RNF220: variants seen among roughly 807,000 people sequenced by gnomAD.
RNF220 encodes ring finger protein 220.
RNF220 carries 7 observed loss-of-function variants against 67.1 expected under a neutral mutation model. The ratio of observed to expected loss-of-function variants is 0.10; its 90% CI spans 0.06 to 0.20. The LOEUF (loss-of-function observed/expected upper bound fraction) is 0.20, where lower values mean the gene tolerates loss of function less well. Among genes scored for constraint, RNF220 ranks in the 10% least tolerant of loss-of-function variants. The probability of loss-of-function intolerance (pLI) is 1.00; values close to 1 mark genes in which losing one functional copy is unlikely to be tolerated. For missense variants in RNF220, 565 were observed against 740.3 expected (o/e 0.76, Z 2.75); for synonymous variants, 270 against 283.2 (o/e 0.95, Z 0.47).
intron 2 of RNF220, among the ~76,000 whole-genome samples, chr1:44,477,632 T>C (rs1371589701): frequency 6.6e-6 from 1 of 152,194 alleles, no homozygotes; most frequent in Non-Finnish European, 1.5e-5. Flanking sequence ...TGATCTAAGC[T>C]CAGCTTGGCC....
In RNF220 at chr1:44,462,135, A is replaced by G. The variant is rs543933277; in HGVS notation, c.625+49413A>G. 9.9e-5 allele frequency among the ~76,000 whole-genome samples: 15 copies of G among 151,834 alleles called. No homozygotes were observed. The South Asian group carries it at 2.7e-3, about 27-fold the overall frequency. ...TTTTTAGTAGAGATGTGGTATCACC[A>G]TGTTGGCCAGGCTCATCTCAAACTC... is the stretch of plus-strand genomic sequence containing the variant. On this transcript the variant is annotated intron_variant, in intron 2 of 14. Transcript: ENST00000361799.
intron 2 of RNF220, among the ~76,000 whole-genome samples, chr1:44,508,550 G>A (rs1175825567): frequency 6.6e-6 from 1 of 152,312 alleles, no homozygotes; most frequent in African/African-American, 2.4e-5. Context: ...TGTAGGTGGC[G>A]TTTGCTCTAA....
intron 2 of RNF220, among the ~76,000 whole-genome samples, chr1:44,523,234 G>A (rs1305971568): frequency 1.3e-5 from 2 of 152,202 alleles, no homozygotes; most frequent in Non-Finnish European, 2.9e-5. Flanking sequence ...GGCTCCCCGA[G>A]CACTCCTGCT....
chr1:44,465,711 C>T lies in RNF220; in HGVS notation c.625+52989C>T, dbSNP rs12565721. 3.2e-3 allele frequency among the ~76,000 whole-genome samples: 485 copies of T among 152,254 alleles called. 25 individuals carry two copies. The East Asian group carries it at 0.087, about 27-fold the overall frequency. On this transcript the variant is annotated intron_variant, in intron 2 of 14. Transcript: ENST00000361799. ...ATCACATCAAAGCGAGTCACATGAA[C>T]TTTTGGTTTTCTGGTGCATATAAAA...
At chr1:44,582,124 G>C (rs1665326984) in intron 2 of RNF220, among the ~76,000 whole-genome samples, 2 of 152,206 alleles carry the variant, frequency 1.3e-5, no homozygotes, top group African/African-American at 4.8e-5. Flanking sequence ...TAGTTGCAGA[G>C]TGGAAGAATG....
intron 6 of RNF220, among the ~76,000 whole-genome samples, chr1:44,634,489 G>T (rs1479054601): frequency 6.6e-6 from 1 of 152,150 alleles, no homozygotes; most frequent in Non-Finnish European, 1.5e-5. Flanking sequence ...TTGCATTCAT[G>T]AGCTTCCCGT....
rs1647236257 is a variant in RNF220 at position 44,405,374 on chromosome 1, CCTA to C, written c.-271_-269del. On this transcript the variant is annotated 5_prime_UTR_variant, in exon 1 of 15. Transcript: ENST00000361799. ...GCGAACACAAACCCGGGGCCAGCCG[CCTA>C]CTGCTGCTGCTGCTGCTGCCGCTGC... 2 of 578,712 alleles carry C rather than the reference CCTA, an allele frequency of 3.5e-6. No individual in the cohort carries two copies. The highest frequency in any genetic ancestry group is 6.3e-6 in the Non-Finnish European group (2 of 319,186). The allele number at this position is 578,712 out of a possible 1,614,324, so 35.8% of individuals were successfully genotyped here.
intron 2 of RNF220, among the ~76,000 whole-genome samples, chr1:44,560,150 G>A (rs1466375270): frequency 6.6e-6 from 1 of 152,230 alleles, no homozygotes; most frequent in Non-Finnish European, 1.5e-5. Flanking sequence ...CAGTGAGTGG[G>A]GAACTGGGTC....
At chr1:44,535,148 T>C (rs1661112774) in intron 2 of RNF220, among the ~76,000 whole-genome samples, 1 of 146,888 alleles carries the variant, frequency 6.8e-6, no homozygotes, top group South Asian at 2.2e-4. Flanking sequence ...TTTTTTTTTT[T>C]TTTTTTTTTT....
At chr1:44,518,401 T>G (rs1206325695) in intron 2 of RNF220, among the ~76,000 whole-genome samples, 2 of 152,096 alleles carry the variant, frequency 1.3e-5, no homozygotes, top group Non-Finnish European at 2.9e-5. Context: ...CCCTACTCAC[T>G]CTGGGTGACA....
chr1:44,554,163 TA>T (rs1662888046), intron 2 of RNF220, among the ~76,000 whole-genome samples: 1 of 152,036 alleles, frequency 6.6e-6, no homozygotes, highest in Non-Finnish European at 1.5e-5. Flanking sequence ...AGCGAACAGA[TA>T]TCTCTCTGGC....
At chr1:44,502,562 C>A (rs897052315) in intron 2 of RNF220, among the ~76,000 whole-genome samples, 13 of 152,058 alleles carry the variant, frequency 8.5e-5, no homozygotes, top group African/African-American at 3.1e-4. Context: ...TGTGCCAGGC[C>A]CTAGGAGACA....
At chr1:44,446,716 G>A (rs1289301398) in intron 2 of RNF220, among the ~76,000 whole-genome samples, 2 of 151,962 alleles carry the variant, frequency 1.3e-5, no homozygotes, top group Non-Finnish European at 2.9e-5. Flanking sequence ...ATGCCACCAC[G>A]CCCAGCTAAT....
intron 2 of RNF220, among the ~76,000 whole-genome samples, chr1:44,599,887 T>C (rs1382842251): frequency 6.6e-6 from 1 of 152,176 alleles, no homozygotes; most frequent in African/African-American, 2.4e-5. Flanking sequence ...AGCTGAATGA[T>C]AGGATCTGAT....
intron 5 of RNF220, among the ~76,000 whole-genome samples, chr1:44,628,981 T>C (rs1051401822): frequency 6.6e-6 from 1 of 152,270 alleles, no homozygotes; most frequent in African/African-American, 2.4e-5. Flanking sequence ...TCATTATTTA[T>C]GATGCTGTGG....
At chr1:44,614,680 G>A (rs1236350074) in intron 3 of RNF220, among the ~76,000 whole-genome samples, 1 of 152,114 alleles carries the variant, frequency 6.6e-6, no homozygotes, top group African/African-American at 2.4e-5. Context: ...TCCTCCAGTG[G>A]GGTGGACACT....
chr1:44,626,294 C>T lies in RNF220; in HGVS notation c.805-3C>T. The T allele has an allele frequency of 1.9e-6, 3 of 1,612,964 alleles. No homozygotes were observed. The highest frequency in any genetic ancestry group is 1.1e-5 in the South Asian group (1 of 91,044). On this transcript the variant is annotated splice_region_variant and splice_polypyrimidine_tract_variant and intron_variant, in intron 4 of 14. Transcript: ENST00000361799. The stretch of plus-strand genomic sequence containing the variant: ...AGGCCACATGTCTTTTTTCTTCTTC[C>T]AGTCCCTCCTGTTGTCTGCTTCCAT...
intron 2 of RNF220, among the ~76,000 whole-genome samples, chr1:44,431,002 T>A (rs1650306747): frequency 6.6e-6 from 1 of 152,236 alleles, no homozygotes; most frequent in Admixed American, 6.5e-5. Flanking sequence ...TTCCAAATGG[T>A]CAAGTGGATG....
At chr1:44,454,223 A>G (rs1374343252) in intron 2 of RNF220, among the ~76,000 whole-genome samples, 1 of 152,204 alleles carries the variant, frequency 6.6e-6, no homozygotes, top group African/African-American at 2.4e-5. Context: ...TTATGTGTTG[A>G]AGGTAGAACT....
Sources: gnomAD v4.1 joint callset for allele counts (sites outside exome capture counted in the v4.1 genomes callset) on GRCh38, gnomAD v4.1.1 for gene constraint, MANE v1.5 for transcripts, NCBI Gene and HGNC (gene_info 2026-07-23, HGNC 2026-07-21) for gene names.